The following MBD5 variants were observed in gnomAD, a reference collection of about 807,000 sequenced individuals.
The protein encoded by MBD5 is methyl-CpG binding domain protein 5.
In MBD5, 13 loss-of-function variants were observed where a neutral mutation model predicts 117.3. The ratio of observed to expected loss-of-function variants is 0.11; its 90% CI spans 0.07 to 0.18. The LOEUF (loss-of-function observed/expected upper bound fraction) is 0.18, where lower values mean the gene tolerates loss of function less well. Ranked by LOEUF, MBD5 falls within the 10% of genes least tolerant of loss-of-function variation. The pLI, the probability that MBD5 is intolerant of heterozygous loss-of-function variation, is 1.00. For missense variants in MBD5, 1,879 were observed against 2,093.8 expected (o/e 0.90, Z 2.00); for synonymous variants, 727 against 766.4 (o/e 0.95, Z 0.85).
chr2:148,137,578 A>G (rs1697201021), intron 1 of MBD5, among the ~76,000 whole-genome samples: 1 of 152,192 alleles, frequency 6.6e-6, no homozygotes, highest in Non-Finnish European at 1.5e-5. Flanking sequence ...TGGATAACAT[A>G]GAGAGACACT....
At chr2:148,474,461 T>C (rs1180540787) in intron 8 of MBD5, among the ~76,000 whole-genome samples, 1 of 152,136 alleles carries the variant, frequency 6.6e-6, no homozygotes, top group Non-Finnish European at 1.5e-5. Context: ...TATGATAAAG[T>C]CACTAAGTCA....
At chr2:148,066,157 T>C (rs1695184778) in intron 1 of MBD5, among the ~76,000 whole-genome samples, 1 of 152,000 alleles carries the variant, frequency 6.6e-6, no homozygotes, top group East Asian at 1.9e-4. Context: ...TTTAAAAAAA[T>C]GAGCCGAGCA....
intron 1 of MBD5, among the ~76,000 whole-genome samples, chr2:148,083,634 T>C (rs1029404966): frequency 2.0e-5 from 3 of 152,008 alleles, no homozygotes; most frequent in African/African-American, 4.8e-5. Context: ...TATTTTATTT[T>C]ATTTTATTTT....
At chr2:148,067,103 C>A (rs1007791274) in intron 1 of MBD5, among the ~76,000 whole-genome samples, 3 of 152,096 alleles carry the variant, frequency 2.0e-5, no homozygotes, top group Non-Finnish European at 4.4e-5. Context: ...TGCTAAGAAA[C>A]ACTAATTGAT....
chr2:148,484,173 A>G, intron 9 of MBD5, 38 bp downstream of exon 9: 1 of 1,397,200 alleles, frequency 7.2e-7, no homozygotes. Flanking sequence ...TACAAAAGAA[A>G]CGTTTTTCTA....
intron 4 of MBD5, among the ~76,000 whole-genome samples, chr2:148,454,127 A>G (rs1706811692): frequency 6.6e-6 from 1 of 152,158 alleles, no homozygotes; most frequent in South Asian, 2.1e-4. Flanking sequence ...CCAACAATTA[A>G]AGATCATGTT....
At chr2:148,298,742 A>G (rs1701713372) in intron 3 of MBD5, among the ~76,000 whole-genome samples, 1 of 152,250 alleles carries the variant, frequency 6.6e-6, no homozygotes, top group African/African-American at 2.4e-5. Flanking sequence ...GCATCATGCC[A>G]TAAACCACTT....
chr2:148,373,698 A>T (rs1703916267), intron 4 of MBD5, among the ~76,000 whole-genome samples: 1 of 152,168 alleles, frequency 6.6e-6, no homozygotes, highest in Non-Finnish European at 1.5e-5. Context: ...TGAGATGAGT[A>T]ACATTTATTA....
At chr2:148,105,250 A>AC (rs1696340459) in intron 1 of MBD5, among the ~76,000 whole-genome samples, 1 of 146,800 alleles carries the variant, frequency 6.8e-6, no homozygotes, top group African/African-American at 2.5e-5. Flanking sequence ...ACAGAACCTC[A>AC]CTCTGCTGCA....
At chr2:148,359,481 T>C (rs1223320298) in intron 4 of MBD5, among the ~76,000 whole-genome samples, 4 of 152,140 alleles carry the variant, frequency 2.6e-5, no homozygotes, top group South Asian at 2.1e-4. Flanking sequence ...CCTCCTACTA[T>C]ATGAAAATTT....
intron 4 of MBD5, among the ~76,000 whole-genome samples, chr2:148,412,715 G>A (rs1230388032): frequency 6.6e-6 from 1 of 151,920 alleles, no homozygotes; most frequent in African/African-American, 2.4e-5. Flanking sequence ...TTCTTTTTGT[G>A]GCAAATGTGA....
chr2:148,251,147 G>A (rs1233812462), intron 3 of MBD5, among the ~76,000 whole-genome samples: 1 of 152,118 alleles, frequency 6.6e-6, no homozygotes, highest in Non-Finnish European at 1.5e-5. Context: ...AAAGGCAGGA[G>A]TGCCTGACCT....
intron 2 of MBD5, among the ~76,000 whole-genome samples, chr2:148,212,859 A>G (rs1699459632): frequency 1.3e-5 from 2 of 152,176 alleles, no homozygotes; most frequent in African/African-American, 4.8e-5. Context: ...CATTGACAAC[A>G]ATTTTAATTC....
At chr2:148,126,775 A>G (rs1696907248) in intron 1 of MBD5, among the ~76,000 whole-genome samples, 1 of 152,142 alleles carries the variant, frequency 6.6e-6, no homozygotes, top group Non-Finnish European at 1.5e-5. Flanking sequence ...CATGTTAGAT[A>G]GTAGTCATAT....
At chr2:148,068,143 G>T (rs914780307) in intron 1 of MBD5, among the ~76,000 whole-genome samples, 2 of 152,126 alleles carry the variant, frequency 1.3e-5, no homozygotes, top group Non-Finnish European at 2.9e-5. Flanking sequence ...CTAGGTCAGT[G>T]CAGCTCCCTC....
intron 2 of MBD5, among the ~76,000 whole-genome samples, chr2:148,230,141 G>A (rs927146885): frequency 4.6e-5 from 7 of 151,974 alleles, no homozygotes; most frequent in Admixed American, 1.3e-4. Context: ...TCAGAGTGGC[G>A]GGTTCCCCAA....
In MBD5 at chr2:148,286,392, G is replaced by A. The variant is rs186221161; in HGVS notation, c.-680+52997G>A. 6.6e-5 allele frequency among the ~76,000 whole-genome samples: 10 copies of A among 152,144 alleles called. No individual in the cohort carries two copies. The South Asian group carries it at 1.2e-3, about 19-fold the overall frequency. ...TATGATCATATTTCTTCTGCATTTC[G>A]ATCCCCAAGCTGACAAGCAGACTTA... On this transcript the variant is annotated intron_variant, in intron 3 of 13. Coordinates refer to ENST00000642680, the MANE Select transcript of MBD5 (RefSeq NM_001378120.1).
intron 2 of MBD5, among the ~76,000 whole-genome samples, chr2:148,189,174 TG>T (rs1014092935): frequency 1.4e-5 from 2 of 146,314 alleles, no homozygotes; most frequent in East Asian, 4.1e-4. Context: ...GCAACGAGGC[TG>T]GGGGAGGGGC....
At chr2:148,335,974 A>G (rs1702776987) in intron 3 of MBD5, among the ~76,000 whole-genome samples, 2 of 152,226 alleles carry the variant, frequency 1.3e-5, no homozygotes, top group Admixed American at 6.5e-5. Flanking sequence ...TTCAAAGTTA[A>G]TGCTCTTTGG....
Sources: allele counts gnomAD v4.1 joint callset (sites outside exome capture counted in the v4.1 genomes callset), GRCh38; gene constraint gnomAD v4.1.1; transcripts MANE v1.5; gene names NCBI Gene and HGNC (gene_info 2026-07-23, HGNC 2026-07-21).